Variants in SLC7A14 observed in about 807,000 individuals in gnomAD.
SLC7A14 encodes the protein gamma-aminobutyric acid transporter SLC7A14.
In SLC7A14, 37 loss-of-function variants were observed where a neutral mutation model predicts 60.2. The observed-to-expected ratio is 0.61, with a 90% CI of 0.47 to 0.81. SLC7A14 has a LOEUF of 0.81. SLC7A14 is among the 30% of genes least tolerant of loss of function. The probability of loss-of-function intolerance (pLI) is 0.00; values close to 1 mark genes in which losing one functional copy is unlikely to be tolerated. For synonymous variants in SLC7A14, 399 were observed against 395.8 expected (o/e 1.01, Z -0.10); for missense variants, 886 against 982.7 (o/e 0.90, Z 1.32).
intron 2 of SLC7A14, among the ~76,000 whole-genome samples, chr3:170,523,173 A>G (rs189003104): frequency 9.1e-4 from 138 of 152,348 alleles, no homozygotes; most frequent in African/African-American, 3.1e-3. Flanking sequence ...AGTAGGTATT[A>G]TTATTTTTAA....
At chr3:170,499,644 A>G (rs192974802) in intron 3 of SLC7A14, among the ~76,000 whole-genome samples, 2 of 141,028 alleles carry the variant, frequency 1.4e-5, no homozygotes, top group East Asian at 1.9e-4. Context: ...TTTGAAAATG[A>G]TGGTAAGAGG....
At chr3:170,525,067 A>G (rs1713449775) in intron 2 of SLC7A14, among the ~76,000 whole-genome samples, 1 of 152,252 alleles carries the variant, frequency 6.6e-6, no homozygotes. Flanking sequence ...ACGCATTGGT[A>G]CACAGAATTC....
At chr3:170,568,386 A>G (rs905938594) in intron 1 of SLC7A14, among the ~76,000 whole-genome samples, 7 of 152,350 alleles carry the variant, frequency 4.6e-5, no homozygotes, top group African/African-American at 1.7e-4. Context: ...TTTGGTAAAA[A>G]GTACCATGCT....
intron 1 of SLC7A14, among the ~76,000 whole-genome samples, chr3:170,530,837 G>A (rs552646148): frequency 1.8e-4 from 28 of 152,306 alleles, no homozygotes; most frequent in African/African-American, 6.5e-4. Context: ...ATTGTCAGCC[G>A]GCTCCAGGAG....
intron 1 of SLC7A14, among the ~76,000 whole-genome samples, chr3:170,584,410 C>T (rs1476579161): frequency 5.9e-5 from 9 of 152,158 alleles, no homozygotes; most frequent in Non-Finnish European, 4.4e-5. Flanking sequence ...AACTGCCTTT[C>T]AACACTTTAC....
chr3:170,459,551 C>A lies in SLC7A14; in HGVS notation c.*7504G>T, dbSNP rs1354950285. On this transcript the variant is annotated 3_prime_UTR_variant, in exon 8 of 8. Coordinates refer to ENST00000231706, the MANE Select transcript of SLC7A14 (RefSeq NM_020949.3). ...AAAGGGGTAGGATGGCACTGACTTTCTTCAAATTTAAATTTTATTAGTCGA... is the reference window on the plus strand; with the variant it reads ...AAAGGGGTAGGATGGCACTGACTTTATTCAAATTTAAATTTTATTAGTCGA... The A allele has an allele frequency of 3.9e-5, 6 of 152,128 alleles. No individual in the cohort carries two copies. Among genetic ancestry groups the A allele is most frequent in the Non-Finnish European group, 8.8e-5 (6 of 68,038 alleles). The allele number at this position is 152,128 out of a possible 1,614,324, so 9.4% of individuals were successfully genotyped here. A position where few individuals can be genotyped will look rare whatever the true frequency, so the allele number is the denominator to read the frequency against.
At position 170,481,633 on chromosome 3, in the gene SLC7A14, C is replaced by G. The variant is rs566994338; in HGVS notation, c.1116-467G>C. On this transcript the variant is annotated intron_variant, in intron 6 of 7. Coordinates refer to ENST00000231706, the MANE Select transcript of SLC7A14 (RefSeq NM_020949.3). ...ACCAGGCTGGTCTCGAACTCCTGAC[C>G]TCATGATTCACCCACCTCAGCCTCC... Among the ~76,000 whole-genome samples the G allele has an allele frequency of 3.3e-4, 51 of 152,266 alleles. No homozygotes were observed. The Middle Eastern group carries it at 0.014, about 41-fold the overall frequency.
chr3:170,514,670 G>C (rs1163459368), intron 2 of SLC7A14, among the ~76,000 whole-genome samples: 1 of 152,134 alleles, frequency 6.6e-6, no homozygotes, highest in South Asian at 2.1e-4. Flanking sequence ...CTTTGCACAG[G>C]GTTCATCTGG....
chr3:170,567,277 C>A (rs546068690), intron 1 of SLC7A14, among the ~76,000 whole-genome samples: 1 of 151,080 alleles, frequency 6.6e-6, no homozygotes. Flanking sequence ...TTTGTCCTTG[C>A]GATAGTTTAC....
At chr3:170,530,458 A>T (rs1713641567) in intron 1 of SLC7A14, among the ~76,000 whole-genome samples, 2 of 152,216 alleles carry the variant, frequency 1.3e-5, no homozygotes, top group Admixed American at 1.3e-4. Context: ...CAAAGTCACC[A>T]GAGCCAGAGC....
chr3:170,468,237 T>C (rs1739777771), intron 7 of SLC7A14, among the ~76,000 whole-genome samples: 1 of 152,212 alleles, frequency 6.6e-6, no homozygotes, highest in Admixed American at 6.5e-5. Flanking sequence ...TATGCTAATG[T>C]TTCATTTCTA....
intron 2 of SLC7A14, among the ~76,000 whole-genome samples, chr3:170,521,505 T>C (rs937418455): frequency 1.3e-5 from 2 of 151,982 alleles, no homozygotes; most frequent in African/African-American, 4.8e-5. Flanking sequence ...TAAACAGAAA[T>C]TGAAAGACAC....
chr3:170,467,801 A>G (rs772117973), intron 7 of SLC7A14, among the ~76,000 whole-genome samples: 7 of 152,162 alleles, frequency 4.6e-5, no homozygotes, highest in Admixed American at 1.3e-4. Context: ...ACCCTGGGTG[A>G]ACTATTTATG....
chr3:170,546,917 C>T (rs1714196909), intron 1 of SLC7A14, among the ~76,000 whole-genome samples: 1 of 152,206 alleles, frequency 6.6e-6, no homozygotes, highest in Non-Finnish European at 1.5e-5. Context: ...CAAGGGCTCA[C>T]AGCCCTTATA....
intron 4 of SLC7A14, 144 bp from the exon 5 acceptor site, chr3:170,486,512 A>C: frequency 1.0e-6 from 1 of 987,154 alleles, no homozygotes; most frequent in East Asian, 2.5e-5. Context: ...CTAAACACGC[A>C]GGTTCTGATC....
chr3:170,504,993 TG>T (rs1712729329), intron 2 of SLC7A14, among the ~76,000 whole-genome samples: 1 of 152,232 alleles, frequency 6.6e-6, no homozygotes, highest in Admixed American at 6.5e-5. Context: ...AGCTCTGTCT[TG>T]TATCATATAT....
At chr3:170,569,910 TATTAGTCTTGCTAGCGGTCTATCA>T (rs1459152154) in intron 1 of SLC7A14, among the ~76,000 whole-genome samples, 2 of 152,102 alleles carry the variant, frequency 1.3e-5, no homozygotes, top group Non-Finnish European at 2.9e-5. Flanking sequence ...CTTTCTTCTT[TATTAGTCTTGCTAGCGGTCTATCA>T]ATTTTGTTGA....
At chr3:170,513,073 C>G (rs1713038113) in intron 2 of SLC7A14, among the ~76,000 whole-genome samples, 1 of 152,094 alleles carries the variant, frequency 6.6e-6, no homozygotes, top group Admixed American at 6.5e-5. Flanking sequence ...TTGTTTCTAG[C>G]TAAGTAGCTC....
At chr3:170,525,340 G>A (rs1713460112) in intron 2 of SLC7A14, among the ~76,000 whole-genome samples, 1 of 152,164 alleles carries the variant, frequency 6.6e-6, no homozygotes, top group Admixed American at 6.5e-5. Flanking sequence ...ACAAAGTATC[G>A]GCATGTGAGT....
Sources: gnomAD v4.1 joint callset for allele counts (sites outside exome capture counted in the v4.1 genomes callset) on GRCh38, gnomAD v4.1.1 for gene constraint, MANE v1.5 for transcripts, NCBI Gene and HGNC (gene_info 2026-07-23, HGNC 2026-07-21) for gene names.